Variants in KAZN observed in about 807,000 individuals in gnomAD.
KAZN encodes kazrin, periplakin interacting protein.
A neutral mutation model predicts 87.4 loss-of-function variants in KAZN; 40 were observed. The ratio of observed to expected loss-of-function variants is 0.46; its 90% CI spans 0.36 to 0.60. The LOEUF (loss-of-function observed/expected upper bound fraction) is 0.60, where lower values mean the gene tolerates loss of function less well. KAZN is among the 20% of genes least tolerant of loss of function. The pLI, the probability that KAZN is intolerant of heterozygous loss-of-function variation, is 0.00. For synonymous variants in KAZN, 466 were observed against 458.3 expected (o/e 1.02, Z -0.22); for missense variants, 898 against 1,073.9 (o/e 0.84, Z 2.29).
intron 1 of KAZN, among the ~76,000 whole-genome samples, chr1:14,696,917 C>T (rs1196513606): frequency 6.6e-6 from 1 of 152,156 alleles, no homozygotes; most frequent in African/African-American, 2.4e-5. Flanking sequence ...GTAAATGCAG[C>T]TGCCAACAGG....
chr1:14,883,978 A>G (rs1653770618), intron 1 of KAZN, among the ~76,000 whole-genome samples: 1 of 152,178 alleles, frequency 6.6e-6, no homozygotes, highest in South Asian at 2.1e-4. Flanking sequence ...TTATATCTGT[A>G]TGTGTCTTCT....
At chr1:14,752,651 G>A (rs1644445119) in intron 1 of KAZN, among the ~76,000 whole-genome samples, 1 of 152,066 alleles carries the variant, frequency 6.6e-6, no homozygotes, top group Admixed American at 6.6e-5. Context: ...TCCCATTCAT[G>A]AGGGCAGACC....
intron 2 of KAZN, among the ~76,000 whole-genome samples, chr1:14,218,749 G>C (rs1018258686): frequency 2.6e-5 from 4 of 151,984 alleles, no homozygotes; most frequent in African/African-American, 9.7e-5. Flanking sequence ...AAAATAATCT[G>C]TCTTTTCTAT....
At chr1:13,896,997 A>C (rs1476629216) in intron 1 of KAZN, among the ~76,000 whole-genome samples, 1 of 152,202 alleles carries the variant, frequency 6.6e-6, no homozygotes, top group Non-Finnish European at 1.5e-5. Context: ...TGGTGGGGCC[A>C]TGGGAAGAGC....
intron 1 of KAZN, among the ~76,000 whole-genome samples, chr1:14,789,852 G>A (rs558955408): frequency 5.5e-5 from 8 of 144,324 alleles, no homozygotes; most frequent in African/African-American, 2.1e-4. Flanking sequence ...CTGAATTAAA[G>A]CTTATGCTCT....
At chr1:14,789,729 C>G (rs1645614601) in intron 1 of KAZN, among the ~76,000 whole-genome samples, 1 of 119,634 alleles carries the variant, frequency 8.4e-6, no homozygotes. Flanking sequence ...CATTCTTACT[C>G]TGAAGGCAAG....
chr1:15,112,511 C>G lies in KAZN; in HGVS notation c.2133C>G (p.Asn711Lys). The change falls in exon 14 of 15, where the codon AAC (asparagine) becomes AAG (lysine). Residue 711 changes from asparagine to lysine, a missense_variant. This residue lies in a region of KAZN where 127 missense variants were observed against 121.5 expected (regional missense o/e 1.04). Transcript: ENST00000376030. The part of the protein sequence containing the change: ...SSVTRAGKEE[N>K]SSGLKYKAGR... ...TCACGCGGGCAGGAAAGGAGGAGAACAGCAGCGGTCTCAAGTACAAGGCTG... is the reference window on the plus strand; with the variant it reads ...TCACGCGGGCAGGAAAGGAGGAGAAGAGCAGCGGTCTCAAGTACAAGGCTG... 6.2e-7 allele frequency: 1 copy of G among 1,608,166 alleles called. No homozygotes were observed.
chr1:13,915,283 C>T (rs950325299), intron 1 of KAZN, among the ~76,000 whole-genome samples: 5 of 152,112 alleles, frequency 3.3e-5, no homozygotes, highest in African/African-American at 7.2e-5. Flanking sequence ...CTGGGGACCA[C>T]GGGACTTTTA....
At chr1:14,236,631 G>GT (rs1296546639) in intron 2 of KAZN, among the ~76,000 whole-genome samples, 1 of 152,114 alleles carries the variant, frequency 6.6e-6, no homozygotes, top group Non-Finnish European at 1.5e-5. Flanking sequence ...TGCATAAAAC[G>GT]TATCGGCCAG....
intron 2 of KAZN, among the ~76,000 whole-genome samples, chr1:14,251,342 C>T (rs114625183): frequency 2.0e-3 from 310 of 152,318 alleles, no homozygotes; most frequent in Middle Eastern, 0.01. Flanking sequence ...TTCCCCTCCC[C>T]GGCATAGCCT....
intron 1 of KAZN, among the ~76,000 whole-genome samples, chr1:14,740,300 G>A (rs1644051152): frequency 1.3e-5 from 2 of 152,192 alleles, no homozygotes; most frequent in South Asian, 2.1e-4. Context: ...TTTCTGGGCA[G>A]GACGCCTCTA....
intron 1 of KAZN, among the ~76,000 whole-genome samples, chr1:14,018,729 T>A (rs1230058881): frequency 1.3e-5 from 2 of 152,188 alleles, no homozygotes; most frequent in Non-Finnish European, 2.9e-5. Context: ...CTGTGCTTCT[T>A]CCATCTCCTG....
At chr1:14,655,345 T>G (rs1485683284) in intron 1 of KAZN, among the ~76,000 whole-genome samples, 2 of 152,224 alleles carry the variant, frequency 1.3e-5, no homozygotes, top group Non-Finnish European at 2.9e-5. Context: ...GGCATTGGGT[T>G]ACATTGTAAC....
At chr1:14,719,186 G>A (rs531670686) in intron 1 of KAZN, among the ~76,000 whole-genome samples, 1 of 152,280 alleles carries the variant, frequency 6.6e-6, no homozygotes, top group African/African-American at 2.4e-5. Context: ...AAGGTAGTAG[G>A]CAATGAATAA....
At chr1:15,028,769 G>C (rs1378752507) in intron 2 of KAZN, among the ~76,000 whole-genome samples, 1 of 152,208 alleles carries the variant, frequency 6.6e-6, no homozygotes, top group East Asian at 1.9e-4. Flanking sequence ...GTCCAGCCCA[G>C]AGGTGGGCAG....
At chr1:14,230,595 T>C (rs966168817) in intron 2 of KAZN, among the ~76,000 whole-genome samples, 23 of 152,198 alleles carry the variant, frequency 1.5e-4, no homozygotes, top group African/African-American at 5.1e-4. Flanking sequence ...GAATTTACAC[T>C]ACCTTCTAAC....
Position 14,662,241 on chromosome 1 carries a change from G to A in KAZN, c.226+63018G>A, listed in dbSNP as rs145249883. On this transcript the variant is annotated intron_variant, in intron 1 of 14. Coordinates refer to ENST00000376030, the MANE Select transcript of KAZN (RefSeq NM_201628.3). ...TGGACAGCAGCTGTTTCCTTTGAGC[G>A]ATTGCCCTGTTACTAGGTGTCAGTG... Among the ~76,000 whole-genome samples the A allele has an allele frequency of 1.7e-3, 259 of 152,276 alleles. 4 individuals carry two copies. The South Asian group carries it at 0.023, about 13-fold the overall frequency.
intron 1 of KAZN, among the ~76,000 whole-genome samples, chr1:14,954,306 G>A (rs142152790): frequency 6.6e-6 from 1 of 152,364 alleles, no homozygotes; most frequent in East Asian, 1.9e-4. Flanking sequence ...TGGTTCCCCA[G>A]CGTCAGCAGA....
At chr1:14,430,506 C>T (rs1665993095) in intron 2 of KAZN, among the ~76,000 whole-genome samples, 1 of 152,148 alleles carries the variant, frequency 6.6e-6, no homozygotes, top group South Asian at 2.1e-4. Flanking sequence ...CTTTTATGCA[C>T]GATATGATTT....
Sources: allele counts gnomAD v4.1 joint callset (sites outside exome capture counted in the v4.1 genomes callset), GRCh38; gene constraint gnomAD v4.1.1; regional missense constraint gnomAD v4.1.1; transcripts MANE v1.5; gene names NCBI Gene and HGNC (gene_info 2026-07-23, HGNC 2026-07-21).